SEMA5B: variants seen among roughly 807,000 people sequenced by gnomAD.
SEMA5B encodes the protein semaphorin 5B.
In SEMA5B, 66 loss-of-function variants were observed where a neutral mutation model predicts 135.0. The ratio of observed to expected loss-of-function variants is 0.49; its 90% CI spans 0.40 to 0.60. The LOEUF (loss-of-function observed/expected upper bound fraction) is 0.60. Among genes scored for constraint, SEMA5B ranks in the 20% least tolerant of loss-of-function variants. SEMA5B has a pLI of 0.00. For missense variants in SEMA5B, 1,501 were observed against 1,566.3 expected (o/e 0.96, Z 0.70); for synonymous variants, 690 against 639.5 (o/e 1.08, Z -1.19).
At chr3:122,967,599 G>GC (rs1940922436) in intron 1 of SEMA5B, among the ~76,000 whole-genome samples, 2 of 152,188 alleles carry the variant, frequency 1.3e-5, no homozygotes, top group Admixed American at 6.5e-5. Context: ...TAGGAGCCCA[G>GC]CCCCCACATC....
At chr3:122,962,867 A>AC (rs1349461874) in intron 1 of SEMA5B, among the ~76,000 whole-genome samples, 1 of 151,834 alleles carries the variant, frequency 6.6e-6, no homozygotes, top group East Asian at 1.9e-4. Context: ...TTTAATGCAC[A>AC]CACCACCCTT....
chr3:122,984,628 T>G (rs887663815), intron 1 of SEMA5B, among the ~76,000 whole-genome samples: 1 of 152,168 alleles, frequency 6.6e-6, no homozygotes, highest in African/African-American at 2.4e-5. Context: ...GGGTACAATG[T>G]TTGCTATTTG....
intron 1 of SEMA5B, among the ~76,000 whole-genome samples, chr3:122,989,005 C>T (rs1401593023): frequency 6.6e-6 from 1 of 152,210 alleles, no homozygotes; most frequent in East Asian, 1.9e-4. Flanking sequence ...CTGGGGAGGG[C>T]CAGTGGGGCT....
chr3:122,991,024 T>A (rs1941858487), intron 1 of SEMA5B, among the ~76,000 whole-genome samples: 2 of 152,222 alleles, frequency 1.3e-5, no homozygotes, highest in Admixed American at 1.3e-4. Flanking sequence ...AAACCCATCC[T>A]GGCCTTGATG....
intron 1 of SEMA5B, among the ~76,000 whole-genome samples, chr3:122,996,857 G>T (rs1942033428): frequency 6.6e-6 from 1 of 152,196 alleles, no homozygotes; most frequent in Admixed American, 6.5e-5. Flanking sequence ...CACAGGCAAA[G>T]ATCCTTCAGC....
At chr3:122,983,715 T>C (rs1008434976) in intron 1 of SEMA5B, among the ~76,000 whole-genome samples, 49 of 37,670 alleles carry the variant, frequency 1.3e-3, no homozygotes, top group African/African-American at 5.4e-3. Context: ...GAGACTCGTC[T>C]CAAAAAAAAA....
In SEMA5B at chr3:122,969,074, A is replaced by G. The variant is rs193151643; in HGVS notation, c.-38-7773T>C. The stretch of plus-strand genomic sequence containing the variant: ...TAAGCTTTCTCCTGTTCTTTTTTCT[A>G]TGACAGACAGTGTGCTAATTATTTT... On this transcript the variant is annotated intron_variant, in intron 1 of 22. Coordinates refer to ENST00000357599, the MANE Select transcript of SEMA5B (RefSeq NM_001031702.4). Among the ~76,000 whole-genome samples, 177 of 152,294 alleles carry G rather than the reference A, an allele frequency of 1.2e-3. 1 individual carries two copies. Among genetic ancestry groups the G allele is most frequent in the African/African-American group, 4.0e-3 (168 of 41,576 alleles).
At chr3:122,934,428 A>T (rs553364748) in intron 5 of SEMA5B, among the ~76,000 whole-genome samples, 21 of 152,342 alleles carry the variant, frequency 1.4e-4, no homozygotes, top group African/African-American at 5.1e-4. Context: ...TACAGGTGAT[A>T]CAGGGAAGAG....
In SEMA5B at chr3:122,912,997, G is replaced by T; in HGVS notation, c.2571C>A (p.Ala857=). Residue 857 remains alanine, a synonymous_variant, in exon 18 of 23, where the codon GCC becomes GCA. Coordinates refer to ENST00000357599, the MANE Select transcript of SEMA5B (RefSeq NM_001031702.4). ...AGCAGGACGACCACGGGCCCCAGGC[G>T]GCCCAGCCCCCGCTCACCGTGTGCG... ...TSPHTVSGGW[A]AWGPWSSCSR... is the part of the protein sequence containing the mutation. 1.9e-6 allele frequency: 3 copies of T among 1,607,316 alleles called. No individual in the cohort carries two copies. Among genetic ancestry groups the T allele is most frequent in the Non-Finnish European group, 2.5e-6 (3 of 1,177,182 alleles).
At chr3:122,985,300 CT>C (rs1463211417) in intron 1 of SEMA5B, among the ~76,000 whole-genome samples, 1 of 152,096 alleles carries the variant, frequency 6.6e-6, no homozygotes, top group East Asian at 1.9e-4. Flanking sequence ...CAAGACCAGC[CT>C]GGGCAATATA....
intron 2 of SEMA5B, among the ~76,000 whole-genome samples, chr3:122,957,592 C>T (rs1940386887): frequency 6.6e-6 from 1 of 152,234 alleles, no homozygotes; most frequent in Non-Finnish European, 1.5e-5. Flanking sequence ...AAGATGGGGG[C>T]TTGAGTACAA....
intron 10 of SEMA5B, 29 bp from the exon 11 acceptor site, chr3:122,922,476 C>T: frequency 3.2e-6 from 5 of 1,557,418 alleles, no homozygotes; most frequent in Non-Finnish European, 4.3e-6. Flanking sequence ...TCACGCGCGC[C>T]CCGGCCACCA....
intron 12 of SEMA5B, among the ~76,000 whole-genome samples, chr3:122,920,726 A>G (rs527619636): frequency 6.6e-6 from 1 of 152,202 alleles, no homozygotes; most frequent in South Asian, 2.1e-4. Flanking sequence ...ATGGAGCCCC[A>G]GGTGTGTCTG....
chr3:123,008,843 G>A (rs1011244013), intron 1 of SEMA5B, among the ~76,000 whole-genome samples: 2 of 152,128 alleles, frequency 1.3e-5, no homozygotes, highest in Non-Finnish European at 1.5e-5. Flanking sequence ...TTTTCCCTGG[G>A]CTCAGGGTTC....
chr3:123,020,370 C>T (rs996868272), intron 1 of SEMA5B, among the ~76,000 whole-genome samples: 2 of 152,144 alleles, frequency 1.3e-5, no homozygotes, highest in Admixed American at 6.5e-5. Context: ...CCTATCTAGA[C>T]GAAACATACA....
intron 1 of SEMA5B, among the ~76,000 whole-genome samples, chr3:122,971,871 A>C (rs555945033): frequency 6.6e-6 from 1 of 152,360 alleles, no homozygotes; most frequent in East Asian, 1.9e-4. Context: ...CGTGTTCTGC[A>C]TCCTTGGGCC....
intron 1 of SEMA5B, among the ~76,000 whole-genome samples, chr3:122,966,148 C>T (rs1004195192): frequency 2.0e-5 from 3 of 152,174 alleles, no homozygotes; most frequent in African/African-American, 7.2e-5. Context: ...TGATGCCCCC[C>T]ACACTCTTAT....
Position 122,912,261 on chromosome 3 carries a change from G to A in SEMA5B, c.2807C>T (p.Ser936Phe). 1 of 1,612,310 alleles carries A rather than the reference G, an allele frequency of 6.2e-7. No individual in the cohort carries two copies. The highest frequency in any genetic ancestry group is 8.5e-7 in the Non-Finnish European group (1 of 1,179,178). Residue 936 changes from serine (S) to phenylalanine (F), a missense_variant, in exon 19 of 23, where the codon TCC (serine) becomes TTC (phenylalanine). Coordinates refer to ENST00000357599, the MANE Select transcript of SEMA5B (RefSeq NM_001031702.4). Reference sequence around the variant, plus strand: ...TGGGGAGGGTGCGGGGCTGGTGCAGGAACGGGTGCGTTGATAGTGACCCCC... The same window carrying A: ...TGGGGAGGGTGCGGGGCTGGTGCAGAAACGGGTGCGTTGATAGTGACCCCC... ...CGGGHYQRTR[S>F]CTSPAPSPGE...
At chr3:122,939,301 A>G (rs1939448827) in intron 5 of SEMA5B, 124 bp downstream of exon 5, 5 of 760,582 alleles carry the variant, frequency 6.6e-6, no homozygotes, top group African/African-American at 1.7e-5. Context: ...GCCAGTGAAA[A>G]GAACAAGTGG....
Sources: allele counts gnomAD v4.1 joint callset (sites outside exome capture counted in the v4.1 genomes callset), GRCh38; gene constraint gnomAD v4.1.1; transcripts MANE v1.5; gene names NCBI Gene and HGNC (gene_info 2026-07-23, HGNC 2026-07-21).